The following CSTPP1 variants were observed in gnomAD, a reference collection of about 807,000 sequenced individuals.
The protein encoded by CSTPP1 is UPF0705 protein C11orf49.
the CSTPP1 span, among the ~76,000 whole-genome samples, chr11:46,979,641 G>A: frequency 2.0e-5 from 3 of 152,062 alleles, no homozygotes; most frequent in Admixed American, 6.6e-5. Flanking sequence ...AAAAGGACGC[G>A]GTGGCTTATG....
the CSTPP1 span, among the ~76,000 whole-genome samples, chr11:47,116,482 A>C: frequency 6.6e-6 from 1 of 151,920 alleles, no homozygotes; most frequent in African/African-American, 2.4e-5. Context: ...AGGACTTGCT[A>C]TATGAATCTG....
the CSTPP1 span, chr11:47,157,987 G>T: frequency 7.0e-7 from 1 of 1,432,344 alleles, no homozygotes. Flanking sequence ...GCTGGCCTCT[G>T]TTAGCAACAC....
the CSTPP1 span, chr11:47,161,253 G>A: frequency 6.2e-7 from 1 of 1,612,946 alleles, no homozygotes; most frequent in Non-Finnish European, 8.5e-7. Context: ...ACACGGCTGT[G>A]CCCCATCTGG....
the CSTPP1 span, among the ~76,000 whole-genome samples, chr11:47,076,476 C>T: frequency 6.6e-6 from 1 of 152,078 alleles, no homozygotes; most frequent in Non-Finnish European, 1.5e-5. Flanking sequence ...TAGGAATGAA[C>T]ATATTCAGGT....
At chr11:47,138,717 C>A in the CSTPP1 span, among the ~76,000 whole-genome samples, 1 of 152,140 alleles carries the variant, frequency 6.6e-6, no homozygotes, top group Non-Finnish European at 1.5e-5. Context: ...GTGGCTCACG[C>A]CTGTAATCCC....
the CSTPP1 span, chr11:47,161,789 G>C: frequency 2.1e-6 from 3 of 1,416,398 alleles, no homozygotes; most frequent in Non-Finnish European, 9.2e-7. Flanking sequence ...GAGGGGCTCT[G>C]ATGATCAGCC....
the CSTPP1 span, among the ~76,000 whole-genome samples, chr11:47,044,224 T>TG: frequency 1.3e-5 from 2 of 152,066 alleles, no homozygotes; most frequent in Non-Finnish European, 2.9e-5. Context: ...CCTGACCTTG[T>TG]GACCCACCCG....
chr11:46,966,776 A>G, the CSTPP1 span, among the ~76,000 whole-genome samples: 1 of 152,242 alleles, frequency 6.6e-6, no homozygotes, highest in African/African-American at 2.4e-5. Context: ...GTAAGATTTA[A>G]TGAAATTAAT....
the CSTPP1 span, among the ~76,000 whole-genome samples, chr11:47,146,756 T>C: frequency 1.3e-5 from 2 of 152,194 alleles, no homozygotes; most frequent in Non-Finnish European, 2.9e-5. Flanking sequence ...ATGGCCGCCA[T>C]TGGAACAATC....
the CSTPP1 span, among the ~76,000 whole-genome samples, chr11:46,945,413 G>C: frequency 6.6e-6 from 1 of 151,980 alleles, no homozygotes; most frequent in African/African-American, 2.4e-5. Flanking sequence ...TCAGGAGTTC[G>C]AGACCAGCTT....
the CSTPP1 span, chr11:47,157,167 C>T: frequency 3.1e-6 from 5 of 1,610,606 alleles, no homozygotes; most frequent in Non-Finnish European, 4.2e-6. Flanking sequence ...GGCGTGGAGG[C>T]GTCGCTGTTC....
At chr11:46,987,360 G>C in the CSTPP1 span, 2 of 1,466,096 alleles carry the variant, frequency 1.4e-6, no homozygotes, top group African/African-American at 2.8e-5. Context: ...GGAGGCGCTT[G>C]GAAGCAGGCA....
At chr11:47,082,842 C>T in the CSTPP1 span, among the ~76,000 whole-genome samples, 4 of 152,052 alleles carry the variant, frequency 2.6e-5, no homozygotes, top group Non-Finnish European at 4.4e-5. Context: ...ATATGGGCTT[C>T]TGTATTTGGT....
chr11:47,021,321 C>G, the CSTPP1 span, among the ~76,000 whole-genome samples: 2 of 152,174 alleles, frequency 1.3e-5, no homozygotes, highest in South Asian at 4.1e-4. Flanking sequence ...CACCTTTAAG[C>G]ATTTCTGCAT....
the CSTPP1 span, among the ~76,000 whole-genome samples, chr11:47,024,390 A>G: frequency 4.8e-4 from 72 of 150,128 alleles, no homozygotes; most frequent in East Asian, 8.9e-3. Context: ...TTTTTTTTTT[A>G]AACATTCCTT....
chr11:47,067,403 G>A, the CSTPP1 span, among the ~76,000 whole-genome samples: 1 of 152,112 alleles, frequency 6.6e-6, no homozygotes, highest in Non-Finnish European at 1.5e-5. Flanking sequence ...TGACTGAACT[G>A]TGTCTGCCCC....
chr11:46,976,419 A>ACG, the CSTPP1 span, among the ~76,000 whole-genome samples: 1 of 150,556 alleles, frequency 6.6e-6, no homozygotes, highest in Non-Finnish European at 1.5e-5. Context: ...ACACACACAC[A>ACG]CACAGTACAC....
chr11:47,095,727 C>A, the CSTPP1 span, among the ~76,000 whole-genome samples: 1 of 152,164 alleles, frequency 6.6e-6, no homozygotes, highest in Non-Finnish European at 1.5e-5. Flanking sequence ...CGCTTTTCAA[C>A]TATGTTATTA....
the CSTPP1 span, among the ~76,000 whole-genome samples, chr11:47,046,660 C>CTTTT: frequency 4.4e-3 from 348 of 79,734 alleles, no homozygotes; most frequent in African/African-American, 0.011. Context: ...ATCTTCTTTT[C>CTTTT]TTTTTTTTTT....
Sources: allele counts gnomAD v4.1 joint callset (sites outside exome capture counted in the v4.1 genomes callset), GRCh38; gene constraint gnomAD v4.1.1; transcripts MANE v1.5; gene names NCBI Gene and HGNC (gene_info 2026-07-23, HGNC 2026-07-21).